The following POLR3C variants were observed in gnomAD, a reference collection of about 807,000 sequenced individuals.
POLR3C encodes RNA polymerase III subunit C.
In POLR3C, 44 loss-of-function variants were observed where a neutral mutation model predicts 65.9. The observed-to-expected ratio is 0.67, with a 90% CI of 0.52 to 0.86. The LOEUF (loss-of-function observed/expected upper bound fraction) is 0.86. POLR3C is among the 40% of genes least tolerant of loss of function. POLR3C has a pLI of 0.00. For missense variants in POLR3C, 576 were observed against 653.2 expected, an observed-to-expected ratio of 0.88 and a Z score of 1.29; for synonymous variants, 263 against 231.6, an observed-to-expected ratio of 1.14 and a Z score of -1.23.
intron 13 of POLR3C, 102 bp downstream of exon 13, chr1:145,840,267 G>C: frequency 1.3e-6 from 1 of 777,872 alleles, no homozygotes; most frequent in South Asian, 1.5e-5. Context: ...GGGCCTGGCA[G>C]GGTGGCTCAT....
chr1:145,838,279 C>A, intron 11 of POLR3C, 73 bp downstream of exon 11: 1 of 1,183,452 alleles, frequency 8.4e-7, no homozygotes, highest in Non-Finnish European at 1.2e-6. Flanking sequence ...CTTAGGCAAA[C>A]ATACTGAACC....
intron 14 of POLR3C, among the ~76,000 whole-genome samples, 155 bp downstream of exon 14, chr1:145,841,226 A>G (rs1214464594): frequency 1.3e-5 from 2 of 152,238 alleles, no homozygotes; most frequent in Non-Finnish European, 2.9e-5. Flanking sequence ...TTTGTAAACT[A>G]GCAATTCTGA....
Position 145,824,218 on chromosome 1 carries a change from T to C in POLR3C, c.-172T>C. 1 of 295,524 alleles carries C rather than the reference T, an allele frequency of 3.4e-6. No homozygotes were observed. Among genetic ancestry groups the C allele is most frequent in the Non-Finnish European group, 6.5e-6 (1 of 154,666 alleles). 18.3% of individuals were successfully genotyped at this position (295,524 alleles called of 1,614,324 possible). On this transcript the variant is annotated 5_prime_UTR_variant, in exon 1 of 15. Transcript: ENST00000334163. The stretch of plus-strand genomic sequence containing the variant: ...CTGGGGTAGAGTGGCACGCGCTTTT[T>C]GCTTTTCCGCGTCTTCTTCGGTGGC...
At chr1:145,835,050 G>C (rs1231092940) in intron 7 of POLR3C, among the ~76,000 whole-genome samples, 1 of 150,606 alleles carries the variant, frequency 6.6e-6, no homozygotes, top group Non-Finnish European at 1.5e-5. Context: ...AGAGGCTGAG[G>C]CAGGAGGATT....
intron 7 of POLR3C, among the ~76,000 whole-genome samples, chr1:145,835,369 C>G (rs1055646543): frequency 2.7e-5 from 4 of 150,058 alleles, no homozygotes; most frequent in African/African-American, 9.8e-5. Flanking sequence ...CGCTTGAACC[C>G]GGGAATGGGA....
Position 145,842,385 on chromosome 1 carries a change from G to A in POLR3C, c.1570G>A (p.Glu524Lys), listed in dbSNP as rs1553730795. The A allele has an allele frequency of 1.2e-6, 2 of 1,611,976 alleles. No homozygotes were observed. Among genetic ancestry groups the A allele is most frequent in the Non-Finnish European group, 1.7e-6 (2 of 1,178,542 alleles). The change falls in exon 15 of 15, where the codon GAG becomes AAG. Residue 524 changes from glutamate to lysine, a missense_variant. By Grantham distance (56) the Glu-to-Lys change is moderately conservative (BLOSUM62 1). Transcript: ENST00000334163. The part of the protein sequence containing the change: ...IQVDETIFLL[E>K]SYIECTMKRQ The stretch of plus-strand genomic sequence containing the variant: ...GGTGGACGAAACCATCTTCCTGCTG[G>A]AGTCTTACATTGAGTGCACCATGAA...
rs782453211 is a variant in POLR3C, at chr1:145,826,905, A to G, written c.489A>G (p.Val163=). 2 of 1,613,186 alleles carry G rather than the reference A, an allele frequency of 1.2e-6. No individual in the cohort carries two copies. The highest frequency in any genetic ancestry group is 2.7e-5 in the African/African-American group (2 of 74,846). ...DTHFVQRCPS[V]PTTENSDPGP... ...ACTTTGTACAACGCTGCCCTTCGGT[A>G]CCTACCACTGAGAATTCAGACCCTG... The change falls in exon 4 of 15, where the codon GTA becomes GTG. Residue 163 remains valine, a synonymous_variant. Transcript: ENST00000334163.
intron 4 of POLR3C, 72 bp from the exon 5 acceptor site, chr1:145,828,677 C>G: frequency 9.4e-7 from 1 of 1,058,386 alleles, no homozygotes; most frequent in East Asian, 2.4e-5. Context: ...TGAAAGACAC[C>G]TGCTCTCATG....
chr1:145,840,292 C>T (rs1652188374), intron 13 of POLR3C, 127 bp downstream of exon 13: 1 of 677,680 alleles, frequency 1.5e-6, no homozygotes, highest in Non-Finnish European at 2.7e-6. Flanking sequence ...GTAATCCCAG[C>T]ACTTCGGGAG....
chr1:145,825,443 G>A (rs376204934), intron 1 of POLR3C, among the ~76,000 whole-genome samples: 1 of 152,252 alleles, frequency 6.6e-6, no homozygotes, highest in South Asian at 2.1e-4. Flanking sequence ...AATACGCATC[G>A]TACTAAATAA....
At chr1:145,833,113 A>G (rs1022967834) in intron 5 of POLR3C, 147 bp from the exon 6 acceptor site, 4 of 500,902 alleles carry the variant, frequency 8.0e-6, no homozygotes, top group African/African-American at 2.0e-5. Flanking sequence ...GAATTTGTCT[A>G]GACACCAGTC....
chr1:145,824,445 A>G, intron 1 of POLR3C, 76 bp downstream of exon 1: 3 of 781,826 alleles, frequency 3.8e-6, no homozygotes, highest in Non-Finnish European at 5.7e-6. Flanking sequence ...GAACCTGTGT[A>G]AAGGAAGTGT....
chr1:145,840,589 C>G (rs1553730217), intron 13 of POLR3C, among the ~76,000 whole-genome samples: 1 of 151,876 alleles, frequency 6.6e-6, no homozygotes, highest in Non-Finnish European at 1.5e-5. Context: ...GAGATAGCAA[C>G]CAGTCTACTT....
Position 145,836,535 on chromosome 1 carries a change from A to G in POLR3C, c.918A>G (p.Gln306=). ...SLPVGYNISK[Q]VLDQYLTLLA... ...CTGTTGGCTATAACATCTCTAAGCA[A>G]GTTCTTGATCAGTATCTCACTCTGC... The change falls in exon 8 of 15, where the codon CAA becomes CAG. Residue 306 remains glutamine (Q), a synonymous_variant. Transcript: ENST00000334163. The G allele has an allele frequency of 6.2e-7, 1 of 1,610,218 alleles. No individual in the cohort carries two copies. Among genetic ancestry groups the G allele is most frequent in the South Asian group, 1.1e-5 (1 of 90,986 alleles).
chr1:145,840,864 G>T (rs587742844), intron 13 of POLR3C, 58 bp from the exon 14 acceptor site: 2 of 1,390,340 alleles, frequency 1.4e-6, no homozygotes, highest in Non-Finnish European at 1.0e-6. Flanking sequence ...TCAGACACAC[G>T]TGGTAAGAGA....
At chr1:145,836,467 C>G (rs1285335387) in intron 7 of POLR3C, 27 bp from the exon 8 acceptor site, 1 of 1,349,748 alleles carries the variant, frequency 7.4e-7, no homozygotes, top group Admixed American at 1.7e-5. Flanking sequence ...GTTCCCAAAC[C>G]CATTTTAAGT....
chr1:145,828,983 A>G (rs782502266), intron 5 of POLR3C, 146 bp downstream of exon 5: 2 of 585,102 alleles, frequency 3.4e-6, no homozygotes, highest in Non-Finnish European at 6.2e-6. Context: ...ATAGACTAAC[A>G]AAGAATGAAC....
At position 145,838,144 on chromosome 1, in the gene POLR3C, C is replaced by T. The variant is rs781996695; in HGVS notation, c.1159C>T (p.Pro387Ser). ...GCAAGTGGAAGACTTTGCAATGATTCCTGCAAAGGAGGCAAAGGATATGCT... is the reference window on the plus strand; with the variant it reads ...GCAAGTGGAAGACTTTGCAATGATTTCTGCAAAGGAGGCAAAGGATATGCT... ...QKQVEDFAMI[P>S]AKEAKDMLYK... Residue 387 changes from proline (P) to serine (S), a missense_variant, in exon 11 of 15, where the codon CCT becomes TCT. Coordinates refer to ENST00000334163, the MANE Select transcript of POLR3C (RefSeq NM_006468.8). The T allele has an allele frequency of 6.2e-7, 1 of 1,612,588 alleles. No homozygotes were observed. The highest frequency in any genetic ancestry group is 1.7e-4 in the Middle Eastern group (1 of 6,058).
Position 145,841,011 on chromosome 1 carries a change from A to G in POLR3C, c.1463A>G (p.Glu488Gly). ...GAGGAAGCACAGTTACAAGAAATAG[A>G]GGAGATGATCACAGCTCCTGAACGT... ...GAEEAQLQEI[E>G]EMITAPERQQ... is the part of the protein sequence containing the mutation. Residue 488 changes from glutamate to glycine, a missense_variant, in exon 14 of 15, where the codon GAG (glutamate) becomes GGG (glycine). Coordinates refer to ENST00000334163, the MANE Select transcript of POLR3C (RefSeq NM_006468.8). 2 of 1,613,526 alleles carry G rather than the reference A, an allele frequency of 1.2e-6. No homozygotes were observed. The highest frequency in any genetic ancestry group is 1.7e-6 in the Non-Finnish European group (2 of 1,179,408).
Sources: gnomAD v4.1 joint callset for allele counts (sites outside exome capture counted in the v4.1 genomes callset) on GRCh38, gnomAD v4.1.1 for gene constraint, MANE v1.5 for transcripts, NCBI Gene and HGNC (gene_info 2026-07-23, HGNC 2026-07-21) for gene names.